SPATA16: variants seen among roughly 807,000 people sequenced by gnomAD.
The protein encoded by SPATA16 is spermatogenesis associated 16.
A neutral mutation model predicts 63.3 loss-of-function variants in SPATA16; 36 were observed. The observed-to-expected ratio is 0.57, with a 90% CI of 0.44 to 0.75. The LOEUF (loss-of-function observed/expected upper bound fraction) is 0.75, where lower values mean the gene tolerates loss of function less well. SPATA16 is among the 30% of genes least tolerant of loss of function. The pLI is 0.00. For missense variants in SPATA16, 646 were observed against 679.3 expected (o/e 0.95, Z 0.54); for synonymous variants, 203 against 216.7 (o/e 0.94, Z 0.56).
intron 6 of SPATA16, among the ~76,000 whole-genome samples, chr3:172,948,517 G>C (rs538249561): frequency 9.9e-5 from 15 of 151,850 alleles, no homozygotes; most frequent in Non-Finnish European, 1.6e-4. Context: ...ACCCAGGCTG[G>C]AGTTCAGTGC....
At chr3:172,999,802 C>T (rs952597948) in intron 4 of SPATA16, among the ~76,000 whole-genome samples, 1 of 152,192 alleles carries the variant, frequency 6.6e-6, no homozygotes, top group Non-Finnish European at 1.5e-5. Context: ...TTTCAAAGCA[C>T]TAGCCTGGCT....
chr3:172,952,082 G>A lies in SPATA16; in HGVS notation c.1081+4595C>T, dbSNP rs190774179. Among the ~76,000 whole-genome samples, 13 of 152,232 alleles carry A rather than the reference G, an allele frequency of 8.5e-5. No homozygotes were observed. In the East Asian group the frequency reaches 2.3e-3, roughly 27 times the overall value. On this transcript the variant is annotated intron_variant, in intron 6 of 10. Transcript: ENST00000351008. The stretch of plus-strand genomic sequence containing the variant: ...CTGGAAATATTATCTTTCTGTGGGC[G>A]GGTACAAACACATGTTTATGAGAAC...
intron 2 of SPATA16, among the ~76,000 whole-genome samples, chr3:173,064,174 G>C (rs1463417756): frequency 6.6e-6 from 1 of 151,886 alleles, no homozygotes; most frequent in Non-Finnish European, 1.5e-5. Flanking sequence ...TGGGCATGGT[G>C]GCACGCACCT....
chr3:172,915,142 TTAGAAGGTGTTCTTTTG>T (rs1401943645), intron 9 of SPATA16, among the ~76,000 whole-genome samples: 2 of 152,170 alleles, frequency 1.3e-5, no homozygotes, highest in Non-Finnish European at 2.9e-5. Flanking sequence ...ATTTAACCTT[TTAGAAGGTGTTCTTTTG>T]CACACAACCA....
chr3:173,000,475 A>G (rs1258937723), intron 4 of SPATA16, among the ~76,000 whole-genome samples: 2 of 152,072 alleles, frequency 1.3e-5, no homozygotes, highest in African/African-American at 4.8e-5. Flanking sequence ...TAAATCTTTA[A>G]TCTTTGATTT....
chr3:173,087,163 C>A (rs973525510), intron 2 of SPATA16, among the ~76,000 whole-genome samples: 1 of 152,132 alleles, frequency 6.6e-6, no homozygotes, highest in African/African-American at 2.4e-5. Flanking sequence ...GACTCTAAGT[C>A]TCATTGTAGG....
chr3:172,985,618 C>T (rs1461493687), intron 4 of SPATA16, among the ~76,000 whole-genome samples: 5 of 152,128 alleles, frequency 3.3e-5, no homozygotes, highest in South Asian at 4.1e-4. Flanking sequence ...AAGAGGAAAA[C>T]GATTACTTTT....
intron 4 of SPATA16, among the ~76,000 whole-genome samples, chr3:173,005,419 G>A (rs951685818): frequency 3.9e-5 from 6 of 151,940 alleles, no homozygotes; most frequent in Non-Finnish European, 7.4e-5. Context: ...ACATTTTGGG[G>A]CCTCTCTGTG....
chr3:172,941,907 TC>T (rs1733157298), intron 6 of SPATA16, among the ~76,000 whole-genome samples: 3 of 152,122 alleles, frequency 2.0e-5, no homozygotes, highest in African/African-American at 7.2e-5. Context: ...ATGACCTTTA[TC>T]TTGCTCAGTT....
chr3:172,973,152 C>G lies in SPATA16; in HGVS notation c.933+3816G>C, dbSNP rs1192389512. Among the ~76,000 whole-genome samples, 38 of 152,234 alleles carry G rather than the reference C, an allele frequency of 2.5e-4. 1 individual carries two copies. The highest frequency in any genetic ancestry group is 2.4e-5 in the African/African-American group (1 of 41,566). On this transcript the variant is annotated intron_variant, in intron 5 of 10. Coordinates refer to ENST00000351008, the MANE Select transcript of SPATA16 (RefSeq NM_031955.6). Reference sequence around the variant, plus strand: ...CTTGATCTAGAAAAGCTACAAAAGACTTTTCACAAGAGTGAGAAAACCATA... The same window carrying G: ...CTTGATCTAGAAAAGCTACAAAAGAGTTTTCACAAGAGTGAGAAAACCATA...
At chr3:173,065,725 T>G (rs1736503126) in intron 2 of SPATA16, among the ~76,000 whole-genome samples, 1 of 152,156 alleles carries the variant, frequency 6.6e-6, no homozygotes. Context: ...TGTGGGGCTT[T>G]GCATTGAAAC....
chr3:173,040,374 C>A (rs1008483310), intron 3 of SPATA16, among the ~76,000 whole-genome samples: 2 of 151,978 alleles, frequency 1.3e-5, no homozygotes, highest in South Asian at 2.1e-4. Context: ...ATTCATATGA[C>A]AATCACAAAG....
intron 4 of SPATA16, among the ~76,000 whole-genome samples, chr3:172,992,644 T>C (rs1270112901): frequency 2.0e-5 from 3 of 152,128 alleles, no homozygotes; most frequent in Non-Finnish European, 4.4e-5. Flanking sequence ...ATCCACTTGA[T>C]CCTGGGTAGA....
chr3:173,021,423 C>T (rs562890617), intron 3 of SPATA16, among the ~76,000 whole-genome samples: 2 of 152,196 alleles, frequency 1.3e-5, no homozygotes, highest in South Asian at 4.2e-4. Context: ...TACATTAATC[C>T]CTCAAGAACA....
In SPATA16 at chr3:173,117,863, C is replaced by T. The variant is rs1181138386; in HGVS notation, c.-18-114G>A. ...TTCATTCATTATTAGTATTTGTTGC[C>T]TTGTAAGTAAAACTGTATTTACATA... On this transcript the variant is annotated intron_variant, in intron 1 of 10. Coordinates refer to ENST00000351008, the MANE Select transcript of SPATA16 (RefSeq NM_031955.6). 3.3e-6 allele frequency: 5 copies of T among 1,515,318 alleles called. No individual in the cohort carries two copies. In the African/African-American group the frequency reaches 6.9e-5, roughly 21 times the overall value. The allele number at this position is 1,515,318 out of a possible 1,614,324, so 93.9% of individuals were successfully genotyped here. A position where few individuals can be genotyped will look rare whatever the true frequency, so the allele number is the denominator to read the frequency against.
chr3:172,977,124 C>T, intron 4 of SPATA16, 72 bp from the exon 5 acceptor site: 2 of 1,204,832 alleles, frequency 1.7e-6, no homozygotes, highest in Non-Finnish European at 1.2e-6. Context: ...ATAACAGGCA[C>T]TATATACAAA....
intron 2 of SPATA16, among the ~76,000 whole-genome samples, chr3:173,053,739 A>G (rs1736152684): frequency 6.6e-6 from 1 of 152,058 alleles, no homozygotes; most frequent in Non-Finnish European, 1.5e-5. Context: ...ATTTTCAGTG[A>G]TCCCTGACAA....
intron 5 of SPATA16, among the ~76,000 whole-genome samples, chr3:172,960,411 A>G (rs1413381341): frequency 6.6e-6 from 1 of 152,222 alleles, no homozygotes; most frequent in African/African-American, 2.4e-5. Context: ...AAGCTTTGAA[A>G]TTAAGTGTTT....
intron 2 of SPATA16, among the ~76,000 whole-genome samples, chr3:173,059,698 A>T (rs901376488): frequency 1.3e-5 from 2 of 151,650 alleles, no homozygotes; most frequent in African/African-American, 4.8e-5. Context: ...TAGTTCCTTT[A>T]TGATTTGTAT....
Sources: allele counts gnomAD v4.1 joint callset (sites outside exome capture counted in the v4.1 genomes callset), GRCh38; gene constraint gnomAD v4.1.1; transcripts MANE v1.5; gene names NCBI Gene and HGNC (gene_info 2026-07-23, HGNC 2026-07-21).